RASSF8: variants seen among roughly 807,000 people sequenced by gnomAD.
RASSF8 encodes Ras association domain family member 8.
Under a neutral mutation model 48.5 loss-of-function variants are expected in RASSF8, and 22 were observed. That is an observed-to-expected ratio of 0.45 (90% CI 0.32 to 0.65). The LOEUF (loss-of-function observed/expected upper bound fraction) is 0.65, where lower values mean the gene tolerates loss of function less well. Ranked by LOEUF, RASSF8 falls within the 30% of genes least tolerant of loss-of-function variation. RASSF8 has a pLI of 0.03. For synonymous variants in RASSF8, 127 were observed against 171.5 expected (o/e 0.74, Z 2.03); for missense variants, 418 against 489.2 (o/e 0.85, Z 1.37).
chr12:26,060,113 G>A (rs1943706734), intron 3 of RASSF8, among the ~76,000 whole-genome samples: 1 of 152,168 alleles, frequency 6.6e-6, no homozygotes, highest in Admixed American at 6.5e-5. Flanking sequence ...TAGCCAGGAT[G>A]GTCTCGATCT....
At chr12:25,974,678 T>C (rs1238907558) in intron 1 of RASSF8, among the ~76,000 whole-genome samples, 1 of 152,204 alleles carries the variant, frequency 6.6e-6, no homozygotes, top group Non-Finnish European at 1.5e-5. Context: ...TAGGGCTTGA[T>C]GTACCAGCTT....
chr12:25,982,525 G>A (rs1941768437), intron 1 of RASSF8, among the ~76,000 whole-genome samples: 1 of 152,188 alleles, frequency 6.6e-6, no homozygotes, highest in Admixed American at 6.5e-5. Context: ...TATGTAAGAT[G>A]TATCCCTAAA....
rs1941666292 is a variant in RASSF8 at position 25,978,663 on chromosome 12, CA to C, written c.-202-16371del. 2.6e-5 allele frequency among the ~76,000 whole-genome samples: 4 copies of C among 151,704 alleles called. No homozygotes were observed. In the East Asian group the frequency reaches 7.7e-4, roughly 29 times the overall value. Reference sequence around the variant, plus strand: ...TATATGCTAGTAAATAGATTGTATTCAAATGTGTACATGTAGGTTAATTTTT... The same window carrying C: ...TATATGCTAGTAAATAGATTGTATTCAATGTGTACATGTAGGTTAATTTTT... On this transcript the variant is annotated intron_variant, in intron 1 of 5. Coordinates refer to ENST00000689635, the MANE Select transcript of RASSF8 (RefSeq NM_001394098.1).
intron 2 of RASSF8, among the ~76,000 whole-genome samples, chr12:26,043,550 G>T (rs1334559698): frequency 3.9e-5 from 6 of 152,246 alleles, no homozygotes; most frequent in African/African-American, 1.2e-4. Flanking sequence ...TGTGCAAGGA[G>T]GGAGACAGGA....
intron 2 of RASSF8, among the ~76,000 whole-genome samples, chr12:26,018,346 T>A (rs1348944273): frequency 2.6e-5 from 4 of 152,188 alleles, no homozygotes; most frequent in Admixed American, 2.6e-4. Context: ...CTTTTTTTAA[T>A]AAATCAATTT....
chr12:26,061,295 T>C (rs897097269), intron 3 of RASSF8, among the ~76,000 whole-genome samples: 2 of 152,172 alleles, frequency 1.3e-5, no homozygotes. Flanking sequence ...TGTATTCTGC[T>C]TTCTTAAGTG....
intron 1 of RASSF8, among the ~76,000 whole-genome samples, chr12:25,968,985 C>T (rs997557550): frequency 6.6e-6 from 1 of 152,148 alleles, no homozygotes; most frequent in Admixed American, 6.5e-5. Context: ...ACAGGAAGAA[C>T]GCTCCAGATA....
intron 1 of RASSF8, among the ~76,000 whole-genome samples, chr12:25,971,738 A>G (rs138815509): frequency 6.6e-6 from 1 of 152,350 alleles, no homozygotes; most frequent in Admixed American, 6.5e-5. Flanking sequence ...TAATGTTTGT[A>G]AAACACTTAA....
intron 3 of RASSF8, among the ~76,000 whole-genome samples, chr12:26,058,510 GGCACTAC>G (rs1943660885): frequency 6.8e-6 from 1 of 147,554 alleles, no homozygotes. Flanking sequence ...GCCTCATGGG[GGCACTAC>G]ACACATGCGC....
At chr12:26,042,828 G>C (rs1229167958) in intron 2 of RASSF8, among the ~76,000 whole-genome samples, 3 of 152,134 alleles carry the variant, frequency 2.0e-5, no homozygotes, top group Non-Finnish European at 2.9e-5. Flanking sequence ...GGGTTTTACA[G>C]TGTGATATCA....
chr12:26,048,685 C>G (rs558316938), intron 2 of RASSF8, among the ~76,000 whole-genome samples: 17 of 152,284 alleles, frequency 1.1e-4, no homozygotes, highest in African/African-American at 4.1e-4. Flanking sequence ...ATGGCTCTCT[C>G]TAGCCTCTCT....
chr12:26,037,440 A>G (rs1369283356), intron 2 of RASSF8, among the ~76,000 whole-genome samples: 4 of 152,180 alleles, frequency 2.6e-5, no homozygotes, highest in Admixed American at 2.6e-4. Flanking sequence ...TGTATTTTGT[A>G]TACTTTTTAG....
At chr12:26,010,049 C>T (rs1260791123) in intron 2 of RASSF8, among the ~76,000 whole-genome samples, 1 of 152,104 alleles carries the variant, frequency 6.6e-6, no homozygotes, top group Non-Finnish European at 1.5e-5. Flanking sequence ...CATCCTGATG[C>T]CCACAGGGTC....
At position 26,071,640 on chromosome 12, in the gene RASSF8, T is replaced by C. The variant is rs969928914; in HGVS notation, c.*2822T>C. 18 of 985,208 alleles carry C rather than the reference T, an allele frequency of 1.8e-5. No homozygotes were observed. Among genetic ancestry groups the C allele is most frequent in the Middle Eastern group, 5.2e-4 (1 of 1,914 alleles). 61.0% of individuals were successfully genotyped at this position (985,208 alleles called of 1,614,324 possible). On this transcript the variant is annotated 3_prime_UTR_variant, in exon 6 of 6. Coordinates refer to ENST00000689635, the MANE Select transcript of RASSF8 (RefSeq NM_001394098.1). ...TTTTGGTTTGATAACATTTTGTTTT[T>C]TGTCTTGATGCACAGGGACTTTTTT... is the stretch of plus-strand genomic sequence containing the variant.
intron 2 of RASSF8, among the ~76,000 whole-genome samples, chr12:26,051,623 T>C (rs1943492234): frequency 6.6e-6 from 1 of 152,196 alleles, no homozygotes; most frequent in South Asian, 2.1e-4. Context: ...TACAAAATAT[T>C]GTACTCCCAA....
chr12:25,968,601 C>A (rs941955752), intron 1 of RASSF8, among the ~76,000 whole-genome samples: 5 of 152,192 alleles, frequency 3.3e-5, no homozygotes, highest in African/African-American at 1.2e-4. Flanking sequence ...GCCTCAGCCT[C>A]CCAAAGTGCT....
At chr12:26,014,013 G>T (rs1428668092) in intron 2 of RASSF8, among the ~76,000 whole-genome samples, 3 of 152,148 alleles carry the variant, frequency 2.0e-5, no homozygotes, top group Non-Finnish European at 4.4e-5. Flanking sequence ...TGTGGTATTG[G>T]TTTGAGGAAT....
intron 3 of RASSF8, among the ~76,000 whole-genome samples, chr12:26,063,857 G>T (rs768142275): frequency 2.0e-5 from 3 of 151,784 alleles, no homozygotes; most frequent in Non-Finnish European, 2.9e-5. Flanking sequence ...CATTGAGCTG[G>T]TTTTTTGTTT....
chr12:26,077,170 C>T (rs1944080168), downstream of RASSF8, among the ~76,000 whole-genome samples: 1 of 152,190 alleles, frequency 6.6e-6, no homozygotes, highest in African/African-American at 2.4e-5. Flanking sequence ...AGCCCTTTGT[C>T]AGATGGGTAG....
Sources: allele counts gnomAD v4.1 joint callset (sites outside exome capture counted in the v4.1 genomes callset), GRCh38; gene constraint gnomAD v4.1.1; transcripts MANE v1.5; gene names NCBI Gene and HGNC (gene_info 2026-07-23, HGNC 2026-07-21).